DTNBP1: variants seen among roughly 807,000 people sequenced by gnomAD.
DTNBP1 encodes dystrobrevin binding protein 1.
DTNBP1 carries 35 observed loss-of-function variants against 42.8 expected under a neutral mutation model. That is an observed-to-expected ratio of 0.82 (90% CI 0.63 to 1.09). The LOEUF (loss-of-function observed/expected upper bound fraction) is 1.09. Ranked by LOEUF, DTNBP1 falls within the 50% of genes least tolerant of loss-of-function variation. The probability of loss-of-function intolerance (pLI) is 0.00; values close to 1 mark genes in which losing one functional copy is unlikely to be tolerated. For synonymous variants in DTNBP1, 171 were observed against 162.2 expected (o/e 1.05, Z -0.41); for missense variants, 457 against 424.2 (o/e 1.08, Z -0.68).
chr6:15,543,145 ACT>A (rs1406142155), intron 7 of DTNBP1, among the ~76,000 whole-genome samples: 4 of 152,162 alleles, frequency 2.6e-5, no homozygotes, highest in Non-Finnish European at 4.4e-5. Context: ...GATGACTACA[ACT>A]AGCACATTTT....
intron 7 of DTNBP1, among the ~76,000 whole-genome samples, chr6:15,563,570 C>G (rs913598447): frequency 6.6e-6 from 1 of 152,290 alleles, no homozygotes; most frequent in African/African-American, 2.4e-5. Context: ...AATCATAAGG[C>G]TTTTGTTTAA....
chr6:15,580,735 T>C (rs928170902), intron 7 of DTNBP1, among the ~76,000 whole-genome samples: 18 of 152,210 alleles, frequency 1.2e-4, no homozygotes, highest in African/African-American at 3.1e-4. Context: ...TGGGGATGCA[T>C]TGCTTTTACA....
chr6:15,622,775 A>G (rs976837642), intron 5 of DTNBP1, among the ~76,000 whole-genome samples: 10 of 152,356 alleles, frequency 6.6e-5, no homozygotes, highest in African/African-American at 2.2e-4. Context: ...TTTTGCAAGA[A>G]GGCCGTCCCA....
chr6:15,636,295 C>T (rs1760019590), intron 4 of DTNBP1, among the ~76,000 whole-genome samples: 1 of 151,920 alleles, frequency 6.6e-6, no homozygotes, highest in Non-Finnish European at 1.5e-5. Context: ...GGATTACAGG[C>T]ATGAGCCACC....
At chr6:15,557,944 T>C (rs1774620233) in intron 7 of DTNBP1, among the ~76,000 whole-genome samples, 1 of 152,048 alleles carries the variant, frequency 6.6e-6, no homozygotes, top group Non-Finnish European at 1.5e-5. Flanking sequence ...AAATGATATA[T>C]TTGGCTTATT....
At chr6:15,534,164 G>A (rs1773066228) in intron 7 of DTNBP1, among the ~76,000 whole-genome samples, 1 of 152,190 alleles carries the variant, frequency 6.6e-6, no homozygotes, top group Non-Finnish European at 1.5e-5. Flanking sequence ...GTGCTCTCAG[G>A]GCTGGGGAGA....
chr6:15,569,389 C>G (rs1485654055), intron 7 of DTNBP1, among the ~76,000 whole-genome samples: 1 of 123,956 alleles, frequency 8.1e-6, no homozygotes, highest in Non-Finnish European at 1.6e-5. Flanking sequence ...ACGAAATCAG[C>G]GTGAGAATGC....
At chr6:15,555,684 G>T (rs530388447) in intron 7 of DTNBP1, among the ~76,000 whole-genome samples, 1 of 152,300 alleles carries the variant, frequency 6.6e-6, no homozygotes, top group East Asian at 1.9e-4. Flanking sequence ...AGAACCCTCA[G>T]TTCCAGGAAT....
chr6:15,638,713 T>A (rs1202157158), intron 3 of DTNBP1, among the ~76,000 whole-genome samples: 1 of 152,164 alleles, frequency 6.6e-6, no homozygotes, highest in East Asian at 1.9e-4. Context: ...CCTGATGTGA[T>A]GCACTGGGAA....
chr6:15,615,893 T>C (rs942134129), intron 5 of DTNBP1, among the ~76,000 whole-genome samples: 2 of 152,250 alleles, frequency 1.3e-5, no homozygotes, highest in African/African-American at 4.8e-5. Flanking sequence ...ACAGTAGATA[T>C]GCACAAATAC....
chr6:15,628,398 CTTTTTTTT>C (rs70996561), intron 4 of DTNBP1, among the ~76,000 whole-genome samples: 3 of 77,060 alleles, frequency 3.9e-5, no homozygotes, highest in Admixed American at 1.8e-4. Flanking sequence ...GATTAAGGTT[CTTTTTTTT>C]TTTTTTTTTT....
At chr6:15,658,448 G>C (rs1031318002) in intron 1 of DTNBP1, among the ~76,000 whole-genome samples, 11 of 152,158 alleles carry the variant, frequency 7.2e-5, no homozygotes, top group African/African-American at 2.7e-4. Flanking sequence ...TGAGGACACT[G>C]GGCAGGGGTG....
intron 7 of DTNBP1, among the ~76,000 whole-genome samples, chr6:15,541,462 A>G (rs552988766): frequency 6.6e-6 from 1 of 152,340 alleles, no homozygotes; most frequent in South Asian, 2.1e-4. Flanking sequence ...GATGCCATTT[A>G]TTATACTGGG....
At chr6:15,562,202 T>TA (rs1229138125) in intron 7 of DTNBP1, among the ~76,000 whole-genome samples, 1 of 152,262 alleles carries the variant, frequency 6.6e-6, no homozygotes, top group Non-Finnish European at 1.5e-5. Context: ...GGGTTCACTT[T>TA]ACTCTGTGAA....
Position 15,587,686 on chromosome 6 carries a change from G to A in DTNBP1, c.511+5373C>T, listed in dbSNP as rs543372040. On this transcript the variant is annotated intron_variant, in intron 7 of 9. Transcript: ENST00000344537. The surrounding 1 kb of genome is among the most constrained non-coding windows in gnomAD (Gnocchi z 4.1). The stretch of plus-strand genomic sequence containing the variant: ...TTCTAAGGCTTGTGAGGGAGACTTC[G>A]GGCATGGTGCAGCCTAGAGCCCCAA... 2.5e-4 allele frequency among the ~76,000 whole-genome samples: 38 copies of A among 152,270 alleles called. No homozygotes were observed. Among genetic ancestry groups the A allele is most frequent in the South Asian group, 4.1e-4 (2 of 4,824 alleles).
intron 6 of DTNBP1, among the ~76,000 whole-genome samples, chr6:15,601,939 G>C (rs1408821169): frequency 6.6e-6 from 1 of 151,476 alleles, no homozygotes; most frequent in Admixed American, 6.6e-5. Context: ...GCTATCTTTG[G>C]GGGAAAATGT....
chr6:15,620,015 G>T (rs1403889155), intron 5 of DTNBP1, among the ~76,000 whole-genome samples: 3 of 151,684 alleles, frequency 2.0e-5, no homozygotes, highest in Non-Finnish European at 2.9e-5. Flanking sequence ...TTAAAAACAT[G>T]AATTTGGTCG....
intron 6 of DTNBP1, 104 bp from the exon 7 acceptor site, chr6:15,593,185 C>G (rs1776370353): frequency 9.5e-7 from 1 of 1,054,326 alleles, no homozygotes; most frequent in African/African-American, 1.6e-5. Flanking sequence ...TAAATGCCCA[C>G]AGTGGTATTT....
intron 4 of DTNBP1, among the ~76,000 whole-genome samples, chr6:15,628,834 C>G (rs994737138): frequency 1.3e-5 from 2 of 152,086 alleles, no homozygotes; most frequent in African/African-American, 4.8e-5. Context: ...GTATGTAGTA[C>G]TAGATTGTTT....
Sources: gnomAD v4.1 joint callset for allele counts (sites outside exome capture counted in the v4.1 genomes callset) on GRCh38, gnomAD v4.1.1 for gene constraint, Gnocchi (gnomAD v3.1) non-coding constraint, MANE v1.5 for transcripts, NCBI Gene and HGNC (gene_info 2026-07-23, HGNC 2026-07-21) for gene names.